Variants in OSBP2 observed in about 807,000 individuals in gnomAD.
The protein encoded by OSBP2 is oxysterol binding protein 2.
OSBP2 carries 66 observed loss-of-function variants against 96.0 expected under a neutral mutation model. The observed-to-expected ratio is 0.69, with a 90% CI of 0.56 to 0.84. OSBP2 has a LOEUF of 0.84. Among genes scored for constraint, OSBP2 ranks in the 40% least tolerant of loss-of-function variants. The pLI, the probability that OSBP2 is intolerant of heterozygous loss-of-function variation, is 0.00. For synonymous variants in OSBP2, 525 were observed against 520.9 expected (o/e 1.01, Z -0.11); for missense variants, 1,038 against 1,222.7 (o/e 0.85, Z 2.25).
chr22:30,883,947 G>A (rs1297621712), intron 3 of OSBP2, among the ~76,000 whole-genome samples: 2 of 152,150 alleles, frequency 1.3e-5, no homozygotes, highest in Non-Finnish European at 2.9e-5. Flanking sequence ...AAGCAGGACG[G>A]CCGCTGTAGG....
rs1039427494 is a variant in OSBP2 at position 30,735,405 on chromosome 22, T to C, written c.645-5756T>C. ...TTTCTTCTTCTTTTTTCTTCTCTTC[T>C]CTCTCTTTTTTTTTTTTTTTTTTTT... On this transcript the variant is annotated intron_variant, in intron 1 of 13. Coordinates refer to ENST00000332585, the MANE Select transcript of OSBP2 (RefSeq NM_030758.4). Among the ~76,000 whole-genome samples the C allele has an allele frequency of 2.6e-3, 367 of 141,432 alleles. 3 individuals are homozygous for C. Among genetic ancestry groups the C allele is most frequent in the African/African-American group, 9.4e-3 (349 of 37,010 alleles). 92.8% of individuals were successfully genotyped at this position (141,432 alleles called of 152,430 possible).
intron 2 of OSBP2, among the ~76,000 whole-genome samples, chr22:30,823,238 C>CT (rs765211009): frequency 6.6e-6 from 1 of 152,242 alleles, no homozygotes; most frequent in Non-Finnish European, 1.5e-5. Flanking sequence ...CTGCCCTGGC[C>CT]TGTGCAGGCT....
At chr22:30,699,322 C>T (rs893728250) in intron 1 of OSBP2, among the ~76,000 whole-genome samples, 4 of 152,148 alleles carry the variant, frequency 2.6e-5, no homozygotes, top group Non-Finnish European at 5.9e-5. Flanking sequence ...CTTATTTTGA[C>T]TATTGTATAA....
At chr22:30,719,979 G>A (rs1243782115) in intron 1 of OSBP2, among the ~76,000 whole-genome samples, 1 of 152,164 alleles carries the variant, frequency 6.6e-6, no homozygotes, top group African/African-American at 2.4e-5. Flanking sequence ...TCAGGTAACA[G>A]AGAGCAAACC....
At chr22:30,699,301 T>A (rs1284728978) in intron 1 of OSBP2, among the ~76,000 whole-genome samples, 1 of 152,190 alleles carries the variant, frequency 6.6e-6, no homozygotes, top group Non-Finnish European at 1.5e-5. Context: ...GAGTATGTTA[T>A]TTTTACAAGA....
At chr22:30,873,580 C>T (rs2039507486) in intron 3 of OSBP2, among the ~76,000 whole-genome samples, 10 of 152,140 alleles carry the variant, frequency 6.6e-5, no homozygotes, top group Admixed American at 6.5e-4. Context: ...GTGGGGGCCC[C>T]ACTGCAACTC....
intron 1 of OSBP2, among the ~76,000 whole-genome samples, chr22:30,706,810 C>T (rs1371936684): frequency 6.6e-6 from 1 of 152,190 alleles, no homozygotes. Flanking sequence ...AGAAGGACCC[C>T]TCCTCATTGC....
intron 2 of OSBP2, among the ~76,000 whole-genome samples, chr22:30,859,083 C>T (rs529459721): frequency 6.6e-6 from 1 of 152,104 alleles, no homozygotes; most frequent in Non-Finnish European, 1.5e-5. Flanking sequence ...CCCGCCAGGG[C>T]CCTCTGTCTC....
chr22:30,858,256 C>T (rs1412434958), intron 2 of OSBP2, among the ~76,000 whole-genome samples: 5 of 151,126 alleles, frequency 3.3e-5, no homozygotes, highest in Non-Finnish European at 5.9e-5. Flanking sequence ...ACGCCATTCT[C>T]CTGCCTCAGC....
chr22:30,875,990 C>T (rs1156293995), intron 3 of OSBP2, among the ~76,000 whole-genome samples: 1 of 152,218 alleles, frequency 6.6e-6, no homozygotes, highest in Non-Finnish European at 1.5e-5. Context: ...GCCGCCAGCT[C>T]ACATGCCCAC....
At position 30,895,255 on chromosome 22, in the gene OSBP2, A is replaced by AAAG. The variant is rs143409901; in HGVS notation, c.2375+1269_2375+1271dup. On this transcript the variant is annotated intron_variant, in intron 12 of 13. Transcript: ENST00000332585. The stretch of plus-strand genomic sequence containing the variant: ...CCCATTTAGCTGGAATCCCAGAAGG[A>AAAG]AAGAAGAAGAAGAAGAAAAAAAACA... Among the ~76,000 whole-genome samples, 32 of 152,154 alleles carry AAAG rather than the reference A, an allele frequency of 2.1e-4. 1 individual carries two copies. Among genetic ancestry groups the AAAG allele is most frequent in the Admixed American group, 1.6e-3 (25 of 15,280 alleles).
rs575416780 is a variant in OSBP2, at chr22:30,778,327, A to C, written c.853+36958A>C. On this transcript the variant is annotated intron_variant, in intron 2 of 13. Coordinates refer to ENST00000332585, the MANE Select transcript of OSBP2 (RefSeq NM_030758.4). ...TGCACACACACACACACACACACAC[A>C]CACACACCCACTGACAGCGCTGTGG... Among the ~76,000 whole-genome samples the C allele has an allele frequency of 1.8e-3, 275 of 151,636 alleles. 1 individual carries two copies. The Middle Eastern group carries it at 0.027, about 15-fold the overall frequency.
At chr22:30,842,282 A>G (rs947858478) in intron 2 of OSBP2, among the ~76,000 whole-genome samples, 1 of 152,166 alleles carries the variant, frequency 6.6e-6, no homozygotes, top group Non-Finnish European at 1.5e-5. Flanking sequence ...TGGGCGACAG[A>G]GCAAGGCCCT....
At chr22:30,815,812 C>A (rs1023815021) in intron 2 of OSBP2, among the ~76,000 whole-genome samples, 1 of 152,086 alleles carries the variant, frequency 6.6e-6, no homozygotes, top group Non-Finnish European at 1.5e-5. Flanking sequence ...GTGTAATATT[C>A]CACTGAGTTG....
At chr22:30,861,387 C>G (rs1373378871) in intron 2 of OSBP2, among the ~76,000 whole-genome samples, 1 of 152,122 alleles carries the variant, frequency 6.6e-6, no homozygotes. Context: ...GTCAGAGAGC[C>G]CAGATGTGGT....
chr22:30,727,611 T>C (rs1341704120), intron 1 of OSBP2, among the ~76,000 whole-genome samples: 1 of 152,204 alleles, frequency 6.6e-6, no homozygotes, highest in Non-Finnish European at 1.5e-5. Context: ...ACCTGGGCAC[T>C]GCTGCCTCTG....
At chr22:30,797,258 G>T (rs2090777646) in intron 2 of OSBP2, among the ~76,000 whole-genome samples, 1 of 152,124 alleles carries the variant, frequency 6.6e-6, no homozygotes, top group Non-Finnish European at 1.5e-5. Flanking sequence ...GCTATTGTGA[G>T]CAATGCTGCT....
intron 2 of OSBP2, among the ~76,000 whole-genome samples, chr22:30,807,852 T>C (rs2145851953): frequency 6.6e-6 from 1 of 152,354 alleles, no homozygotes; most frequent in South Asian, 2.1e-4. Flanking sequence ...GTCACAGTTT[T>C]ACACTTCACT....
intron 2 of OSBP2, among the ~76,000 whole-genome samples, chr22:30,809,610 A>T (rs2145854790): frequency 6.6e-6 from 1 of 152,348 alleles, no homozygotes; most frequent in South Asian, 2.1e-4. Flanking sequence ...TACAAGGCTT[A>T]GCTCCTAGTA....
Sources: gnomAD v4.1 joint callset for allele counts (sites outside exome capture counted in the v4.1 genomes callset) on GRCh38, gnomAD v4.1.1 for gene constraint, MANE v1.5 for transcripts, NCBI Gene and HGNC (gene_info 2026-07-23, HGNC 2026-07-21) for gene names.